ZBTB44: variants seen among roughly 807,000 people sequenced by gnomAD.
ZBTB44 encodes zinc finger and BTB domain containing 44.
ZBTB44 carries 15 observed loss-of-function variants against 54.0 expected under a neutral mutation model. The observed-to-expected ratio is 0.28, with a 90% CI of 0.19 to 0.43. The LOEUF is 0.43. ZBTB44 is among the 20% of genes least tolerant of loss of function. The pLI, the probability that ZBTB44 is intolerant of heterozygous loss-of-function variation, is 1.00. For missense variants in ZBTB44, 487 were observed against 707.1 expected, an observed-to-expected ratio of 0.69 and a Z score of 3.53; for synonymous variants, 230 against 250.1, an observed-to-expected ratio of 0.92 and a Z score of 0.76.
intron 1 of ZBTB44, among the ~76,000 whole-genome samples, chr11:130,300,748 C>T (rs1941944147): frequency 6.6e-6 from 1 of 151,892 alleles, no homozygotes; most frequent in African/African-American, 2.4e-5. Flanking sequence ...TCACTGATGA[C>T]CTTATAATAG....
intron 1 of ZBTB44, among the ~76,000 whole-genome samples, chr11:130,272,865 G>A (rs1939778093): frequency 6.6e-6 from 1 of 152,084 alleles, no homozygotes; most frequent in Non-Finnish European, 1.5e-5. Flanking sequence ...TTGGAAATCA[G>A]TTGAACACAA....
rs1183941699 is a variant in ZBTB44, at chr11:130,314,901, T to C, written c.-583A>G. ...CACTCCAGCCTGTTTGGGGGCACTTTGTTTGTGTCCCACAATGCTCTGCGC... is the reference window on the plus strand; with the variant it reads ...CACTCCAGCCTGTTTGGGGGCACTTCGTTTGTGTCCCACAATGCTCTGCGC... On this transcript the variant is annotated 5_prime_UTR_variant, in exon 1 of 8. Coordinates refer to ENST00000357899, the MANE Select transcript of ZBTB44 (RefSeq NM_001301098.2). 1 of 148,634 alleles carries C rather than the reference T, an allele frequency of 6.7e-6. No homozygotes were observed. The highest frequency in any genetic ancestry group is 2.5e-5 in the African/African-American group (1 of 40,158). The allele number at this position is 148,634 out of a possible 1,614,324, so 9.2% of individuals were successfully genotyped here. A position where few individuals can be genotyped will look rare whatever the true frequency, so the allele number is the denominator to read the frequency against.
rs1296650287 is a variant in ZBTB44, at chr11:130,314,765, A to G, written c.-447T>C. The G allele has an allele frequency of 1.4e-5, 1 of 71,498 alleles. No individual in the cohort carries two copies. The highest frequency in any genetic ancestry group is 2.6e-5 in the Non-Finnish European group (1 of 38,368). 4.4% of individuals were successfully genotyped at this position (71,498 alleles called of 1,614,324 possible). A position where few individuals can be genotyped will look rare whatever the true frequency, so the allele number is the denominator to read the frequency against. Reference sequence around the variant, plus strand: ...GCGCGGCGACGGCTCGCGTGTTCCCAGCGGGGCGGGGTGGGGAAGGGGAAG... The same window carrying G: ...GCGCGGCGACGGCTCGCGTGTTCCCGGCGGGGCGGGGTGGGGAAGGGGAAG... On this transcript the variant is annotated 5_prime_UTR_variant, in exon 1 of 8. Transcript: ENST00000357899.
chr11:130,303,375 C>T (rs1485799051), intron 1 of ZBTB44, among the ~76,000 whole-genome samples: 2 of 152,214 alleles, frequency 1.3e-5, no homozygotes, highest in South Asian at 2.1e-4. Flanking sequence ...GTGGCTCACA[C>T]GTTTAATCCC....
At chr11:130,309,369 C>T (rs958320655) in intron 1 of ZBTB44, among the ~76,000 whole-genome samples, 2 of 152,200 alleles carry the variant, frequency 1.3e-5, no homozygotes, top group African/African-American at 2.4e-5. Flanking sequence ...TTTTGCTTTT[C>T]AGCACTTGGT....
intron 1 of ZBTB44, among the ~76,000 whole-genome samples, chr11:130,272,023 G>A (rs1939708413): frequency 6.6e-6 from 1 of 152,052 alleles, no homozygotes; most frequent in Admixed American, 6.6e-5. Flanking sequence ...TTGAGGTCAG[G>A]AGTCAAGACC....
At position 130,298,636 on chromosome 11, in the gene ZBTB44, T is replaced by A. The variant is rs576108282; in HGVS notation, c.-57+15739A>T. Among the ~76,000 whole-genome samples the A allele has an allele frequency of 2.6e-4, 39 of 151,738 alleles. 2 individuals carry two copies. In the South Asian group the frequency reaches 7.7e-3, roughly 30 times the overall value. The stretch of plus-strand genomic sequence containing the variant: ...TGCCACCACGCCTGGCCACTTTTTG[T>A]ATTTTTAGTAGAGACGGAGTTTCAC... On this transcript the variant is annotated intron_variant, in intron 1 of 7. Coordinates refer to ENST00000357899, the MANE Select transcript of ZBTB44 (RefSeq NM_001301098.2).
intron 2 of ZBTB44, among the ~76,000 whole-genome samples, chr11:130,248,723 C>T (rs916715053): frequency 2.6e-5 from 4 of 152,124 alleles, no homozygotes; most frequent in African/African-American, 9.7e-5. Context: ...CCCATGTCTG[C>T]TTTATAGAAT....
At chr11:130,255,046 G>A (rs1269720004) in intron 2 of ZBTB44, among the ~76,000 whole-genome samples, 7 of 141,772 alleles carry the variant, frequency 4.9e-5, no homozygotes, top group African/African-American at 1.8e-4. Flanking sequence ...GACACAGGAA[G>A]GGGAACATCA....
intron 1 of ZBTB44, among the ~76,000 whole-genome samples, chr11:130,281,556 T>C (rs1344039800): frequency 6.6e-6 from 1 of 151,002 alleles, no homozygotes; most frequent in Non-Finnish European, 1.5e-5. Flanking sequence ...AATAAATAAA[T>C]AAATAAATAT....
rs1938813227 is a variant in ZBTB44 at position 130,260,846 on chromosome 11, G to A, written c.1018+10C>T. ...TTATAGCACCAAGAAAAACACAGAA[G>A]GCATTATACCTATAGAGGAAGACTG... On this transcript the variant is annotated intron_variant, in intron 2 of 7. Coordinates refer to ENST00000357899, the MANE Select transcript of ZBTB44 (RefSeq NM_001301098.2). 2 of 1,576,576 alleles carry A rather than the reference G, an allele frequency of 1.3e-6. No individual in the cohort carries two copies. The highest frequency in any genetic ancestry group is 1.7e-6 in the Non-Finnish European group (2 of 1,164,564).
intron 1 of ZBTB44, chr11:130,296,578 T>C (rs1941665216): frequency 2.2e-6 from 2 of 924,752 alleles, no homozygotes; most frequent in Non-Finnish European, 3.5e-6. Flanking sequence ...AATATATTCA[T>C]CGTGTAGGTA....
At chr11:130,240,485 C>G (rs972286907) in intron 2 of ZBTB44, among the ~76,000 whole-genome samples, 6 of 152,098 alleles carry the variant, frequency 3.9e-5, no homozygotes, top group Admixed American at 6.5e-5. Flanking sequence ...GAACAAAAAT[C>G]CACATAAAAC....
chr11:130,261,407 C>T lies in ZBTB44; in HGVS notation c.467G>A (p.Arg156Gln), dbSNP rs756733494. The change falls in exon 2 of 8, where the codon CGA becomes CAA. Residue 156 changes from arginine to glutamine, a missense_variant. Coordinates refer to ENST00000357899, the MANE Select transcript of ZBTB44 (RefSeq NM_001301098.2). This position sits in a 1 kb window ranked among gnomAD's most constrained non-coding sequence, Gnocchi z 4.8. ...GGACACGGGAGAAATGCTCCCATCT[C>T]GAGAAGTAAAATTGCAGTTAGAATT... ...ENNSNCNFTSRDGSISPVSSE... is the reference protein window; with the variant it reads ...ENNSNCNFTSQDGSISPVSSE... 6.2e-6 allele frequency: 10 copies of T among 1,613,944 alleles called. No homozygotes were observed. The highest frequency in any genetic ancestry group is 1.1e-5 in the South Asian group (1 of 91,074).
chr11:130,280,725 G>A (rs186435256), intron 1 of ZBTB44, among the ~76,000 whole-genome samples: 3 of 152,158 alleles, frequency 2.0e-5, no homozygotes, highest in South Asian at 2.1e-4. Flanking sequence ...ACTTCTTTAC[G>A]TTGACTTGTT....
chr11:130,230,524 T>C lies in ZBTB44; in HGVS notation c.*1240A>G, dbSNP rs1953841115. On this transcript the variant is annotated 3_prime_UTR_variant, in exon 8 of 8. Coordinates refer to ENST00000357899, the MANE Select transcript of ZBTB44 (RefSeq NM_001301098.2). ...ATTGCTGAAATGTCAAAATGTAAGA[T>C]TGAATGAGGCTATTTAAACATTTTA... 6.8e-6 allele frequency: 1 copy of C among 147,846 alleles called. No individual in the cohort carries two copies. Among genetic ancestry groups the C allele is most frequent in the East Asian group, 2.0e-4 (1 of 5,040 alleles). 9.2% of individuals were successfully genotyped at this position (147,846 alleles called of 1,614,324 possible). A position where few individuals can be genotyped will look rare whatever the true frequency, so the allele number is the denominator to read the frequency against.
chr11:130,273,098 G>A lies in ZBTB44; in HGVS notation c.-56-11169C>T, dbSNP rs150963082. ...TCTTTACAAAGTCAGCAAGGATTCTGATAGGAACTGCATTGAATTTATAGA... is the reference window on the plus strand; with the variant it reads ...TCTTTACAAAGTCAGCAAGGATTCTAATAGGAACTGCATTGAATTTATAGA... On this transcript the variant is annotated intron_variant, in intron 1 of 7. Coordinates refer to ENST00000357899, the MANE Select transcript of ZBTB44 (RefSeq NM_001301098.2). Among the ~76,000 whole-genome samples the A allele has an allele frequency of 1.6e-3, 241 of 152,244 alleles. 5 individuals are homozygous for A. The South Asian group carries it at 0.035, about 22-fold the overall frequency.
chr11:130,236,240 A>G (rs1421048869), intron 5 of ZBTB44: 1 of 1,279,084 alleles, frequency 7.8e-7, no homozygotes, highest in Non-Finnish European at 1.0e-6. Flanking sequence ...AGGTAATTCT[A>G]TTATAAATTA....
intron 1 of ZBTB44, among the ~76,000 whole-genome samples, chr11:130,313,677 C>A (rs116493925): frequency 6.6e-6 from 1 of 152,118 alleles, no homozygotes; most frequent in Non-Finnish European, 1.5e-5. Context: ...TACTTACACG[C>A]TGAAAAAGAA....
Sources: gnomAD v4.1 joint callset for allele counts (sites outside exome capture counted in the v4.1 genomes callset) on GRCh38, gnomAD v4.1.1 for gene constraint, Gnocchi (gnomAD v3.1) non-coding constraint, MANE v1.5 for transcripts, NCBI Gene and HGNC (gene_info 2026-07-23, HGNC 2026-07-21) for gene names.